PIK3CB: variants seen among roughly 807,000 people sequenced by gnomAD.
The protein encoded by PIK3CB is phosphatidylinositol 4,5-bisphosphate 3-kinase catalytic subunit beta isoform.
PIK3CB carries 39 observed loss-of-function variants against 136.8 expected under a neutral mutation model. That is an observed-to-expected ratio of 0.29 (90% CI 0.22 to 0.37). The LOEUF (loss-of-function observed/expected upper bound fraction) is 0.37, where lower values mean the gene tolerates loss of function less well. PIK3CB is among the 10% of genes least tolerant of loss of function. The probability of loss-of-function intolerance (pLI) is 1.00; values close to 1 mark genes in which losing one functional copy is unlikely to be tolerated. For synonymous variants in PIK3CB, 428 were observed against 436.6 expected, an observed-to-expected ratio of 0.98 and a Z score of 0.25; for missense variants, 868 against 1,275.4, an observed-to-expected ratio of 0.68 and a Z score of 4.87.
chr3:138,685,396 CAAAAAAAAAAAAAA>C (rs398052626), intron 16 of PIK3CB, among the ~76,000 whole-genome samples: 5 of 58,354 alleles, frequency 8.6e-5, no homozygotes, highest in Non-Finnish European at 1.4e-4. Context: ...GAAACTGTCT[CAAAAAAAAAAAAAA>C]AAAAAAAAAA....
At chr3:138,812,120 T>A (rs1403906840) in intron 1 of PIK3CB, among the ~76,000 whole-genome samples, 1 of 151,878 alleles carries the variant, frequency 6.6e-6, no homozygotes, top group Non-Finnish European at 1.5e-5. Flanking sequence ...AACTCCTAGA[T>A]GATTTCATTT....
intron 1 of PIK3CB, among the ~76,000 whole-genome samples, chr3:138,816,122 C>T (rs1024601662): frequency 2.7e-5 from 4 of 150,096 alleles, no homozygotes; most frequent in South Asian, 2.1e-4. Context: ...GGCAATGTGG[C>T]GAAACCTCTA....
Position 138,664,044 on chromosome 3 carries a change from A to T in PIK3CB, c.2673-15T>A, listed in dbSNP as rs2043355035. ...CCAGGTCATCCCTGAACAAGAGAAA[A>T]GAACAGAAGCAAAAAAGGTTTTCAG... is the stretch of plus-strand genomic sequence containing the variant. On this transcript the variant is annotated splice_polypyrimidine_tract_variant and intron_variant, in intron 20 of 23. Transcript: ENST00000674063. 6.2e-7 allele frequency: 1 copy of T among 1,612,058 alleles called. No individual in the cohort carries two copies. Among genetic ancestry groups the T allele is most frequent in the African/African-American group, 1.3e-5 (1 of 74,760 alleles).
intron 21 of PIK3CB, among the ~76,000 whole-genome samples, chr3:138,662,563 A>T (rs2043319095): frequency 6.7e-6 from 1 of 149,094 alleles, no homozygotes; most frequent in Non-Finnish European, 1.5e-5. Context: ...ATAGTGCCGC[A>T]ATAAACATAC....
intron 1 of PIK3CB, among the ~76,000 whole-genome samples, chr3:138,808,718 CTCTCTCTCTCTCCTTT>C (rs918578132): frequency 6.6e-6 from 1 of 150,732 alleles, no homozygotes; most frequent in African/African-American, 2.4e-5. Flanking sequence ...TCTAGGCCCT[CTCTCTCTCTCTCCTTT>C]TCTCTCTCTC....
chr3:138,830,333 T>C (rs953192306), intron 1 of PIK3CB, among the ~76,000 whole-genome samples: 6 of 151,216 alleles, frequency 4.0e-5, no homozygotes, highest in African/African-American at 7.3e-5. Flanking sequence ...GCGGATCACC[T>C]GAGGTTAGGA....
chr3:138,698,912 C>A lies in PIK3CB; in HGVS notation c.1765G>T (p.Ala589Ser), dbSNP rs2044191495. 6.3e-7 allele frequency: 1 copy of A among 1,586,352 alleles called. No homozygotes were observed. Among genetic ancestry groups the A allele is most frequent in the Non-Finnish European group, 8.6e-7 (1 of 1,161,306 alleles). ...SIKWNKLEDV[A>S]QLQALLQIWP... is the part of the protein sequence containing the mutation. Reference sequence around the variant, plus strand: ...TAGAAACGATCTTTTGTTACCTGAGCAACATCCTCAAGTTTATTCCACTTG... The same window carrying A: ...TAGAAACGATCTTTTGTTACCTGAGAAACATCCTCAAGTTTATTCCACTTG... Residue 589 changes from alanine to serine, a missense_variant, in exon 13 of 24, where the codon GCT becomes TCT. Physicochemically the swap from Ala to Ser is moderately conservative, Grantham distance 99. Coordinates refer to ENST00000674063, the MANE Select transcript of PIK3CB (RefSeq NM_006219.3).
intron 1 of PIK3CB, among the ~76,000 whole-genome samples, chr3:138,811,007 T>C (rs1933018812): frequency 1.3e-5 from 2 of 151,702 alleles, no homozygotes; most frequent in Non-Finnish European, 2.9e-5. Context: ...GATGGGCAGA[T>C]CACAAGGTCA....
Position 138,684,605 on chromosome 3 carries a change from C to A in PIK3CB, c.2315+20G>T, listed in dbSNP as rs537143001. The A allele has an allele frequency of 1.9e-5, 30 of 1,565,718 alleles. No homozygotes were observed. Among genetic ancestry groups the A allele is most frequent in the Non-Finnish European group, 2.4e-5 (28 of 1,153,764 alleles). On this transcript the variant is annotated intron_variant, in intron 17 of 23. Transcript: ENST00000674063. ...CTTGCTATTCATAGGAGATTCACTG[C>A]GCAAAGCACAGTCACTTACTAGAGT...
At chr3:138,659,032 T>C (rs1404704240) in intron 21 of PIK3CB, among the ~76,000 whole-genome samples, 6 of 152,208 alleles carry the variant, frequency 3.9e-5, no homozygotes. Flanking sequence ...TCACATTCTC[T>C]TTTGGTTGAG....
At chr3:138,708,943 G>A (rs1416522881) in intron 10 of PIK3CB, among the ~76,000 whole-genome samples, 4 of 151,800 alleles carry the variant, frequency 2.6e-5, no homozygotes, top group African/African-American at 9.7e-5. Flanking sequence ...AGAAAAAAAG[G>A]CACTCTTTTT....
At chr3:138,832,485 A>C (rs1348873279) in intron 1 of PIK3CB, among the ~76,000 whole-genome samples, 3 of 151,610 alleles carry the variant, frequency 2.0e-5, no homozygotes, top group African/African-American at 7.3e-5. Flanking sequence ...TGAGCCCAGG[A>C]GATCAAGACC....
intron 1 of PIK3CB, chr3:138,825,385 C>A (rs969891871): frequency 9.1e-5 from 56 of 615,078 alleles, no homozygotes; most frequent in Non-Finnish European, 1.5e-4. Context: ...AAGTGTGAAG[C>A]AACTAATTGG....
chr3:138,723,951 A>G (rs2108612629), intron 8 of PIK3CB, among the ~76,000 whole-genome samples: 1 of 152,304 alleles, frequency 6.6e-6, no homozygotes, highest in East Asian at 1.9e-4. Context: ...GTAAAAAGTG[A>G]AAAACTGTCT....
intron 8 of PIK3CB, among the ~76,000 whole-genome samples, chr3:138,730,204 C>A (rs2044940357): frequency 6.6e-6 from 1 of 152,096 alleles, no homozygotes; most frequent in South Asian, 2.1e-4. Context: ...GCCCATTAAT[C>A]CTCTCCATGA....
chr3:138,764,950 C>T lies in PIK3CB; in HGVS notation c.-16-5591G>A, dbSNP rs375937126. Among the ~76,000 whole-genome samples, 4 of 152,324 alleles carry T rather than the reference C, an allele frequency of 2.6e-5. No homozygotes were observed. In the East Asian group the frequency reaches 7.7e-4, roughly 29 times the overall value. The stretch of plus-strand genomic sequence containing the variant: ...CCCTAGTCTCATATTATTTCTAGCT[C>T]TTTAGCTCCTGGCACATATTAGCCT... On this transcript the variant is annotated intron_variant, in intron 2 of 23. Coordinates refer to ENST00000674063, the MANE Select transcript of PIK3CB (RefSeq NM_006219.3).
At chr3:138,745,520 C>T (rs1208609498) in intron 4 of PIK3CB, among the ~76,000 whole-genome samples, 1 of 152,048 alleles carries the variant, frequency 6.6e-6, no homozygotes, top group Non-Finnish European at 1.5e-5. Flanking sequence ...GTAATCTCAG[C>T]TACTTGGGGG....
rs138284003 is a variant in PIK3CB at position 138,761,984 on chromosome 3, T to G, written c.-16-2625A>C. ...TCTTTGGGCCAGGCACGGTGGCTTA[T>G]GCCTGTAATCCCAGTACTTTGGGAG... On this transcript the variant is annotated intron_variant, in intron 2 of 23. Coordinates refer to ENST00000674063, the MANE Select transcript of PIK3CB (RefSeq NM_006219.3). Among the ~76,000 whole-genome samples, 186 of 148,620 alleles carry G rather than the reference T, an allele frequency of 1.3e-3. 6 individuals carry two copies. In the East Asian group the frequency reaches 0.036, roughly 28 times the overall value.
chr3:138,825,979 C>A (rs759489254), intron 1 of PIK3CB: 70 of 1,559,866 alleles, frequency 4.5e-5, no homozygotes, highest in Admixed American at 7.3e-5. Flanking sequence ...AAGTGATTAT[C>A]CTGAACCATT....
Sources: gnomAD v4.1 joint callset for allele counts (sites outside exome capture counted in the v4.1 genomes callset) on GRCh38, gnomAD v4.1.1 for gene constraint, MANE v1.5 for transcripts, NCBI Gene and HGNC (gene_info 2026-07-23, HGNC 2026-07-21) for gene names.